Variants in CFAP54 observed in about 807,000 individuals in gnomAD.
CFAP54 encodes the protein cilia and flagella associated protein 54.
In CFAP54, 290 loss-of-function variants were observed where a neutral mutation model predicts 370.4. The observed-to-expected ratio is 0.78, with a 90% CI of 0.71 to 0.86. The LOEUF is 0.86. CFAP54 is among the 40% of genes least tolerant of loss of function. The probability of loss-of-function intolerance (pLI) is 0.00; values close to 1 mark genes in which losing one functional copy is unlikely to be tolerated. For synonymous variants in CFAP54, 1,206 were observed against 1,236.5 expected (o/e 0.98, Z 0.52); for missense variants, 3,399 against 3,528.7 (o/e 0.96, Z 0.93).
At chr12:96,817,051 C>A (rs34450) in intron 64 of CFAP54, among the ~76,000 whole-genome samples, 85,546 of 152,124 alleles carry the variant, frequency 0.56, 24,442 homozygotes, top group South Asian at 0.64. Flanking sequence ...AGTCATTGCT[C>A]ACTTGTCATA....
chr12:96,523,260 G>A (rs1955340449), intron 8 of CFAP54, among the ~76,000 whole-genome samples: 1 of 152,082 alleles, frequency 6.6e-6, no homozygotes, highest in South Asian at 2.1e-4. Context: ...ATTACAGTTG[G>A]GAAAATAAAG....
At chr12:96,725,846 TC>T (rs1339911114) in intron 50 of CFAP54, among the ~76,000 whole-genome samples, 3 of 151,846 alleles carry the variant, frequency 2.0e-5, no homozygotes, top group African/African-American at 7.3e-5. Context: ...TTGAGATATG[TC>T]CCATCAATAC....
chr12:96,701,861 T>A (rs1383148917), intron 46 of CFAP54, among the ~76,000 whole-genome samples: 2 of 152,106 alleles, frequency 1.3e-5, no homozygotes, highest in African/African-American at 2.4e-5. Context: ...CTAAATAAGA[T>A]GGGAAACTGC....
intron 8 of CFAP54, among the ~76,000 whole-genome samples, chr12:96,524,186 A>T (rs933935522): frequency 6.6e-6 from 1 of 152,198 alleles, no homozygotes; most frequent in African/African-American, 2.4e-5. Flanking sequence ...CTTTTAAAGG[A>T]CTACTAATTC....
At chr12:96,834,795 T>G (rs1959181015) in intron 66 of CFAP54, among the ~76,000 whole-genome samples, 1 of 152,234 alleles carries the variant, frequency 6.6e-6, no homozygotes, top group Admixed American at 6.5e-5. Context: ...TACAGCTTTT[T>G]TAGCCCTGCC....
In CFAP54 at chr12:96,678,641, C is replaced by T. The variant is rs371023375; in HGVS notation, c.5564-959C>T. Among the ~76,000 whole-genome samples, 26 of 152,284 alleles carry T rather than the reference C, an allele frequency of 1.7e-4. No individual in the cohort carries two copies. In the East Asian group the frequency reaches 2.9e-3, roughly 17 times the overall value. On this transcript the variant is annotated intron_variant, in intron 39 of 67. Coordinates refer to ENST00000524981, the MANE Select transcript of CFAP54 (RefSeq NM_001306084.2). ...TCCCTATCCTCGAAGGCACAGCTGGCCTATCTTCTCTTCCACAAGGTCTTT... is the reference window on the plus strand; with the variant it reads ...TCCCTATCCTCGAAGGCACAGCTGGTCTATCTTCTCTTCCACAAGGTCTTT...
At chr12:96,564,611 C>T in intron 18 of CFAP54, 33 bp from the exon 19 acceptor site, 1 of 660,090 alleles carries the variant, frequency 1.5e-6, no homozygotes, top group Non-Finnish European at 2.7e-6. Flanking sequence ...AGTTTTTAAT[C>T]TCACCTTTTT....
intron 28 of CFAP54, among the ~76,000 whole-genome samples, chr12:96,624,647 C>T (rs188712639): frequency 1.5e-4 from 23 of 152,242 alleles, no homozygotes; most frequent in African/African-American, 5.5e-4. Flanking sequence ...AGAGAGTATC[C>T]AAATTTGAGC....
intron 32 of CFAP54, among the ~76,000 whole-genome samples, chr12:96,636,596 A>G (rs916816512): frequency 2.0e-5 from 3 of 151,966 alleles, no homozygotes; most frequent in Non-Finnish European, 2.9e-5. Context: ...GATCCTTTCT[A>G]TTGTCTTGAT....
intron 66 of CFAP54, among the ~76,000 whole-genome samples, chr12:96,832,865 C>T (rs1435044024): frequency 6.6e-6 from 1 of 152,208 alleles, no homozygotes; most frequent in Non-Finnish European, 1.5e-5. Flanking sequence ...TTCCAGCTAA[C>T]TTCCACTGAA....
Position 96,661,263 on chromosome 12 carries a change from A to G in CFAP54, c.5461-2567A>G, listed in dbSNP as rs75558823. ...GCTACCTAGGGGTTGCCAGCCGTCA[A>G]TCAACTTATTAGCATACAAAAAGAT... On this transcript the variant is annotated intron_variant, in intron 38 of 67. Coordinates refer to ENST00000524981, the MANE Select transcript of CFAP54 (RefSeq NM_001306084.2). 8.4e-3 allele frequency among the ~76,000 whole-genome samples: 1,278 copies of G among 152,310 alleles called. 58 individuals carry two copies. The East Asian group carries it at 0.096, about 11-fold the overall frequency.
chr12:96,760,319 A>C (rs535131354), intron 58 of CFAP54, among the ~76,000 whole-genome samples: 3 of 152,288 alleles, frequency 2.0e-5, no homozygotes, highest in Admixed American at 6.5e-5. Flanking sequence ...AATGCATTTT[A>C]AGACTGCAGT....
intron 42 of CFAP54, among the ~76,000 whole-genome samples, chr12:96,687,518 T>C (rs1024304916): frequency 6.6e-6 from 1 of 152,200 alleles, no homozygotes; most frequent in Non-Finnish European, 1.5e-5. Context: ...TTAGCTTACC[T>C]GTCGGAGGTG....
intron 15 of CFAP54, among the ~76,000 whole-genome samples, chr12:96,549,139 C>A (rs2136395531): frequency 6.6e-6 from 1 of 152,326 alleles, no homozygotes; most frequent in Non-Finnish European, 1.5e-5. Flanking sequence ...CAGGTGTGAG[C>A]TACTGTGCCT....
chr12:96,502,913 T>A (rs1347124035), intron 2 of CFAP54, among the ~76,000 whole-genome samples: 1 of 152,188 alleles, frequency 6.6e-6, no homozygotes, highest in Non-Finnish European at 1.5e-5. Context: ...CTTTAGAGTG[T>A]TGACAGATGA....
At position 96,625,771 on chromosome 12, in the gene CFAP54, G is replaced by A. The variant is rs1182079441; in HGVS notation, c.3940G>A (p.Val1314Ile). The stretch of plus-strand genomic sequence containing the variant: ...GGACCCTATATTTCTTTATCCTGTA[G>A]TTTTGAATTGGTCGGTCAAAGGTGC... The part of the protein sequence containing the change: ...GEDPIFLYPV[V>I]LNWSVKGAVK... Residue 1314 changes from valine to isoleucine, a missense_variant, in exon 29 of 68, where the codon GTT becomes ATT. This residue lies in a region of CFAP54 where 2,796 missense variants were observed against 2,869.7 expected (regional missense o/e 0.97). Coordinates refer to ENST00000524981, the MANE Select transcript of CFAP54 (RefSeq NM_001306084.2). 1 of 1,535,732 alleles carries A rather than the reference G, an allele frequency of 6.5e-7. No homozygotes were observed. Among genetic ancestry groups the A allele is most frequent in the African/African-American group, 1.4e-5 (1 of 73,022 alleles).
intron 66 of CFAP54, among the ~76,000 whole-genome samples, chr12:96,841,376 A>G (rs1312380340): frequency 6.6e-6 from 1 of 152,190 alleles, no homozygotes; most frequent in Non-Finnish European, 1.5e-5. Context: ...CCTTTCCTTC[A>G]TTCAGTTTAC....
At chr12:96,797,074 G>T (rs933269599) in intron 63 of CFAP54, among the ~76,000 whole-genome samples, 1 of 152,002 alleles carries the variant, frequency 6.6e-6, no homozygotes, top group Non-Finnish European at 1.5e-5. Context: ...TTTTCATTAC[G>T]ATTTCTCCTT....
At chr12:96,773,513 A>G (rs1055866072) in intron 60 of CFAP54, among the ~76,000 whole-genome samples, 1 of 152,224 alleles carries the variant, frequency 6.6e-6, no homozygotes, top group African/African-American at 2.4e-5. Context: ...ATAGAAAAGC[A>G]TATTTGGAGT....
Sources: allele counts gnomAD v4.1 joint callset (sites outside exome capture counted in the v4.1 genomes callset), GRCh38; gene constraint gnomAD v4.1.1; regional missense constraint gnomAD v4.1.1; transcripts MANE v1.5; gene names NCBI Gene and HGNC (gene_info 2026-07-23, HGNC 2026-07-21).